The following PRKAG2 variants were observed in gnomAD, a reference collection of about 807,000 sequenced individuals.
PRKAG2 encodes the protein 5'-AMP-activated protein kinase subunit gamma-2.
Under a neutral mutation model 69.6 loss-of-function variants are expected in PRKAG2, and 26 were observed. The observed-to-expected ratio is 0.37, with a 90% CI of 0.27 to 0.52. PRKAG2 has a LOEUF of 0.52. PRKAG2 is among the 20% of genes least tolerant of loss of function. The pLI, the probability that PRKAG2 is intolerant of heterozygous loss-of-function variation, is 0.90. For missense variants in PRKAG2, 557 were observed against 740.0 expected, an observed-to-expected ratio of 0.75 and a Z score of 2.87; for synonymous variants, 293 against 285.0, an observed-to-expected ratio of 1.03 and a Z score of -0.28.
At chr7:151,592,947 T>C (rs1451583821) in intron 6 of PRKAG2, among the ~76,000 whole-genome samples, 1 of 152,218 alleles carries the variant, frequency 6.6e-6, no homozygotes, top group African/African-American at 2.4e-5. Context: ...CCTATTTCCA[T>C]GGTAATGCAT....
chr7:151,727,041 C>A (rs1338482464), intron 3 of PRKAG2, among the ~76,000 whole-genome samples: 1 of 151,998 alleles, frequency 6.6e-6, no homozygotes, highest in Non-Finnish European at 1.5e-5. Context: ...CATAGTGAAA[C>A]CCCGCCTCTA....
At chr7:151,813,238 C>T (rs2078512850) in intron 1 of PRKAG2, among the ~76,000 whole-genome samples, 1 of 152,190 alleles carries the variant, frequency 6.6e-6, no homozygotes, top group South Asian at 2.1e-4. Context: ...CCCTAGGCCT[C>T]TCCCCATCTT....
At chr7:151,581,575 T>C (rs935390451) in intron 6 of PRKAG2, among the ~76,000 whole-genome samples, 4 of 149,638 alleles carry the variant, frequency 2.7e-5, no homozygotes, top group African/African-American at 5.0e-5. Context: ...TCTGGTCAAA[T>C]AGTGTAATAA....
intron 5 of PRKAG2, among the ~76,000 whole-genome samples, chr7:151,613,195 T>TA (rs567768891): frequency 9.9e-5 from 15 of 152,190 alleles, no homozygotes; most frequent in Admixed American, 3.3e-4. Flanking sequence ...TGAAATAACT[T>TA]AAACTTTGTT....
Position 151,618,050 on chromosome 7 carries a change from G to A in PRKAG2, c.754+14019C>T, listed in dbSNP as rs186883511. On this transcript the variant is annotated intron_variant, in intron 5 of 15. Transcript: ENST00000287878. ...TTAAACTCATAAGTTGGCTGGGTGC[G>A]GTGGCTCATGGCTGTAATCCTAGTA... 1.7e-3 allele frequency among the ~76,000 whole-genome samples: 266 copies of A among 152,228 alleles called. 2 individuals are homozygous for A. The highest frequency in any genetic ancestry group is 0.015 in the Admixed American group (234 of 15,278).
chr7:151,786,439 C>G (rs1554599385), intron 2 of PRKAG2, 31 bp downstream of exon 2: 1 of 1,583,720 alleles, frequency 6.3e-7, no homozygotes, highest in Non-Finnish European at 8.6e-7. Flanking sequence ...CTCAAGTGAG[C>G]TGTGAGAAAC....
At chr7:151,601,103 G>T (rs1198242175) in intron 5 of PRKAG2, among the ~76,000 whole-genome samples, 1 of 152,088 alleles carries the variant, frequency 6.6e-6, no homozygotes, top group Non-Finnish European at 1.5e-5. Context: ...GAGGACCCCT[G>T]TGTCCTGGGC....
At chr7:151,852,882 G>T (rs895618780) in intron 1 of PRKAG2, among the ~76,000 whole-genome samples, 27 of 152,190 alleles carry the variant, frequency 1.8e-4, no homozygotes, top group African/African-American at 5.6e-4. Flanking sequence ...GCCCCATAAG[G>T]GGTCAGGAGG....
At chr7:151,610,682 C>CA (rs1363854515) in intron 5 of PRKAG2, among the ~76,000 whole-genome samples, 4 of 146,162 alleles carry the variant, frequency 2.7e-5, no homozygotes, top group East Asian at 2.0e-4. Context: ...ATCTCAAAAA[C>CA]AAAAAACAAA....
At chr7:151,713,889 T>G (rs1240021209) in intron 3 of PRKAG2, among the ~76,000 whole-genome samples, 2 of 152,198 alleles carry the variant, frequency 1.3e-5, no homozygotes, top group African/African-American at 4.8e-5. Flanking sequence ...AGTGTTTAAA[T>G]GTAGCTACCA....
In PRKAG2 at chr7:151,754,137, G is replaced by A. The variant is rs1193176724; in HGVS notation, c.466+27015C>T. Among the ~76,000 whole-genome samples the A allele has an allele frequency of 9.9e-5, 15 of 152,228 alleles. 1 individual carries two copies. The highest frequency in any genetic ancestry group is 9.8e-4 in the Admixed American group (15 of 15,292). On this transcript the variant is annotated intron_variant, in intron 3 of 15. Coordinates refer to ENST00000287878, the MANE Select transcript of PRKAG2 (RefSeq NM_016203.4). ...CAAAGCAGGCCCTGAGAGAACTAGAGGACTCTAACTCGCTGAGGGCAAGGA... is the reference window on the plus strand; with the variant it reads ...CAAAGCAGGCCCTGAGAGAACTAGAAGACTCTAACTCGCTGAGGGCAAGGA...
chr7:151,603,570 G>C (rs866969144), intron 5 of PRKAG2, among the ~76,000 whole-genome samples: 3 of 103,178 alleles, frequency 2.9e-5, no homozygotes, highest in African/African-American at 9.9e-5. Context: ...CACACGGAGG[G>C]ACACGCTCCG....
chr7:151,605,020 T>G (rs1489526016), intron 5 of PRKAG2, among the ~76,000 whole-genome samples: 1 of 152,178 alleles, frequency 6.6e-6, no homozygotes, highest in Non-Finnish European at 1.5e-5. Context: ...AATATTTACT[T>G]ATTTATTTAT....
chr7:151,649,594 T>C (rs570167742), intron 4 of PRKAG2, among the ~76,000 whole-genome samples: 3 of 152,264 alleles, frequency 2.0e-5, no homozygotes, highest in African/African-American at 7.2e-5. Flanking sequence ...GATTGGATCA[T>C]GGGGGCGGTT....
intron 4 of PRKAG2, among the ~76,000 whole-genome samples, chr7:151,671,976 C>G (rs560713516): frequency 9.9e-5 from 15 of 151,244 alleles, no homozygotes; most frequent in Non-Finnish European, 2.2e-4. Context: ...GATCATTCCT[C>G]TTTTTGGTTT....
chr7:151,812,057 C>T (rs2078448665), intron 1 of PRKAG2, among the ~76,000 whole-genome samples: 1 of 148,706 alleles, frequency 6.7e-6, no homozygotes, highest in Non-Finnish European at 1.5e-5. Context: ...GTGCCAGATG[C>T]CTAATAATCA....
chr7:151,847,354 G>T (rs895601944), intron 1 of PRKAG2, among the ~76,000 whole-genome samples: 1 of 152,140 alleles, frequency 6.6e-6, no homozygotes, highest in African/African-American at 2.4e-5. Context: ...GGCGACAGGA[G>T]CCTACTGAGA....
chr7:151,639,850 C>T (rs1431908316), intron 4 of PRKAG2, among the ~76,000 whole-genome samples: 1 of 152,172 alleles, frequency 6.6e-6, no homozygotes, highest in Admixed American at 6.5e-5. Flanking sequence ...TCCCATGAGG[C>T]AATTCCCCCA....
intron 5 of PRKAG2, among the ~76,000 whole-genome samples, chr7:151,627,656 A>G (rs7457260): frequency 0.12 from 18,994 of 152,198 alleles, 1,366 homozygotes; most frequent in African/African-American, 0.17. Flanking sequence ...AGATTGAGGC[A>G]CGTTCTGGAA....
Sources: allele counts gnomAD v4.1 joint callset (sites outside exome capture counted in the v4.1 genomes callset), GRCh38; gene constraint gnomAD v4.1.1; transcripts MANE v1.5; gene names NCBI Gene and HGNC (gene_info 2026-07-23, HGNC 2026-07-21).